The following PRDM16 variants were observed in gnomAD, a reference collection of about 807,000 sequenced individuals.
The protein encoded by PRDM16 is PR/SET domain 16.
Under a neutral mutation model 110.6 loss-of-function variants are expected in PRDM16, and 23 were observed. The observed-to-expected ratio is 0.21, with a 90% CI of 0.15 to 0.29. The LOEUF is 0.29. PRDM16 is among the 10% of genes least tolerant of loss of function. The pLI, the probability that PRDM16 is intolerant of heterozygous loss-of-function variation, is 1.00. For missense variants in PRDM16, 1,615 were observed against 1,794.3 expected, an observed-to-expected ratio of 0.90 and a Z score of 1.81; for synonymous variants, 799 against 781.8, an observed-to-expected ratio of 1.02 and a Z score of -0.37.
Position 3,412,719 on chromosome 1 carries a change from A to G in PRDM16, c.2522A>G (p.Gln841Arg). 6.6e-7 allele frequency: 1 copy of G among 1,503,932 alleles called. No individual in the cohort carries two copies. The highest frequency in any genetic ancestry group is 8.9e-7 in the Non-Finnish European group (1 of 1,126,708). The allele number at this position is 1,503,932 out of a possible 1,614,324, so 93.2% of individuals were successfully genotyped here. A position where few individuals can be genotyped will look rare whatever the true frequency, so the allele number is the denominator to read the frequency against. ...CTGGGCGCCGGCGAGGGGCTGCCCC[A>G]GGTGTGCCCGGCGCGGATGCCCCAG... Reference protein sequence around the residue: ...RKLGAGEGLPQVCPARMPQQP... With the variant: ...RKLGAGEGLPRVCPARMPQQP... The change falls in exon 9 of 17, where the codon CAG becomes CGG. Residue 841 changes from glutamine to arginine, a missense_variant. By Grantham distance (43) the Gln-to-Arg change is conservative. Coordinates refer to ENST00000270722, the MANE Select transcript of PRDM16 (RefSeq NM_022114.4).
At chr1:3,204,868 T>C (rs988365327) in intron 2 of PRDM16, among the ~76,000 whole-genome samples, 7 of 151,970 alleles carry the variant, frequency 4.6e-5, no homozygotes, top group Non-Finnish European at 1.0e-4. Flanking sequence ...AGCCCAGCGG[T>C]TGGCTAATTG....
intron 3 of PRDM16, among the ~76,000 whole-genome samples, chr1:3,320,040 G>A (rs1429572162): frequency 6.6e-6 from 1 of 152,132 alleles, no homozygotes; most frequent in African/African-American, 2.4e-5. Context: ...GCCTGGGCCT[G>A]GTGGCCACAC....
chr1:3,267,031 T>C (rs1640311405), intron 3 of PRDM16, among the ~76,000 whole-genome samples: 1 of 152,160 alleles, frequency 6.6e-6, no homozygotes, highest in Non-Finnish European at 1.5e-5. Flanking sequence ...CAGTGTGAAA[T>C]GTACAAAACG....
At chr1:3,154,694 G>A (rs1643832540) in intron 1 of PRDM16, among the ~76,000 whole-genome samples, 1 of 152,138 alleles carries the variant, frequency 6.6e-6, no homozygotes, top group Non-Finnish European at 1.5e-5. Context: ...GGTGCTGGTC[G>A]CGGTGGAGGA....
chr1:3,325,559 T>C (rs1641870112), intron 3 of PRDM16, among the ~76,000 whole-genome samples: 1 of 152,232 alleles, frequency 6.6e-6, no homozygotes, highest in African/African-American at 2.4e-5. Flanking sequence ...GTTTATTTCC[T>C]GGAGCTGCTG....
chr1:3,436,816 G>C lies in PRDM16; in HGVS notation c.*3005G>C, dbSNP rs1008779562. ...AGCTGGCTGTGTCCATGGCCAGGTG[G>C]CCAGGGTCAGGGCTGCAAGCCAGGG... is the stretch of plus-strand genomic sequence containing the variant. On this transcript the variant is annotated 3_prime_UTR_variant, in exon 17 of 17. Coordinates refer to ENST00000270722, the MANE Select transcript of PRDM16 (RefSeq NM_022114.4). The C allele has an allele frequency of 1.7e-5, 4 of 233,158 alleles. No homozygotes were observed. The highest frequency in any genetic ancestry group is 8.8e-5 in the African/African-American group (4 of 45,346). 14.4% of individuals were successfully genotyped at this position (233,158 alleles called of 1,614,324 possible).
At chr1:3,304,149 A>G (rs1390640018) in intron 3 of PRDM16, among the ~76,000 whole-genome samples, 1 of 141,204 alleles carries the variant, frequency 7.1e-6, no homozygotes, top group Non-Finnish European at 1.5e-5. Flanking sequence ...TGTGCTGGGG[A>G]GCGCAGGAGG....
chr1:3,211,488 G>C (rs1442912874), intron 2 of PRDM16, among the ~76,000 whole-genome samples: 5 of 152,244 alleles, frequency 3.3e-5, no homozygotes, highest in South Asian at 2.1e-4. Context: ...ACTCAAGGCA[G>C]AGTCTCTTGG....
At chr1:3,169,677 G>A (rs1033755028) in intron 1 of PRDM16, among the ~76,000 whole-genome samples, 3 of 152,176 alleles carry the variant, frequency 2.0e-5, no homozygotes, top group Non-Finnish European at 4.4e-5. Flanking sequence ...CCCCCCACGG[G>A]CCCCCCAACA....
chr1:3,238,442 C>T (rs538177439), intron 2 of PRDM16, among the ~76,000 whole-genome samples: 19 of 152,244 alleles, frequency 1.2e-4, no homozygotes, highest in Non-Finnish European at 2.6e-4. Flanking sequence ...GGCATAAAAG[C>T]TAAAAGCAGT....
chr1:3,345,184 G>A (rs1361628956), intron 3 of PRDM16, among the ~76,000 whole-genome samples: 1 of 152,236 alleles, frequency 6.6e-6, no homozygotes, highest in Non-Finnish European at 1.5e-5. Flanking sequence ...GGAGGACAGT[G>A]GCCCTCACAG....
chr1:3,238,444 A>G (rs1190746900), intron 2 of PRDM16, among the ~76,000 whole-genome samples: 1 of 152,240 alleles, frequency 6.6e-6, no homozygotes, highest in African/African-American at 2.4e-5. Flanking sequence ...CATAAAAGCT[A>G]AAAGCAGTGT....
chr1:3,435,433 G>C lies in PRDM16; in HGVS notation c.*1622G>C, dbSNP rs142069370. ...CCCCGTCCCCCCCATGAATCCTGCTGTCCCTGCTGCCGTTTACCAGACAAT... is the reference window on the plus strand; with the variant it reads ...CCCCGTCCCCCCCATGAATCCTGCTCTCCCTGCTGCCGTTTACCAGACAAT... On this transcript the variant is annotated 3_prime_UTR_variant, in exon 17 of 17. Transcript: ENST00000270722. The C allele has an allele frequency of 4.3e-6, 1 of 231,060 alleles. No homozygotes were observed. Among genetic ancestry groups the C allele is most frequent in the African/African-American group, 2.2e-5 (1 of 45,238 alleles). 14.3% of individuals were successfully genotyped at this position (231,060 alleles called of 1,614,324 possible).
intron 2 of PRDM16, among the ~76,000 whole-genome samples, chr1:3,220,277 C>G (rs989856403): frequency 6.6e-5 from 10 of 152,216 alleles, no homozygotes; most frequent in African/African-American, 1.7e-4. Context: ...GTCCCCAACA[C>G]CGTGGGGCCA....
chr1:3,238,045 C>G (rs940177846), intron 2 of PRDM16: 1 of 152,492 alleles, frequency 6.6e-6, no homozygotes, highest in Admixed American at 6.5e-5. Flanking sequence ...GCTCGGGGCC[C>G]TGGAAGCAGA....
chr1:3,252,277 C>T (rs1339940807), intron 3 of PRDM16, among the ~76,000 whole-genome samples: 2 of 152,230 alleles, frequency 1.3e-5, no homozygotes, highest in African/African-American at 4.8e-5. Flanking sequence ...TCCTGCATGC[C>T]CAGCGGTGTC....
chr1:3,126,254 G>A (rs372865481), intron 1 of PRDM16, among the ~76,000 whole-genome samples: 1 of 152,178 alleles, frequency 6.6e-6, no homozygotes. Flanking sequence ...CGCCGCACGC[G>A]GCCAGCCTGG....
intron 1 of PRDM16, among the ~76,000 whole-genome samples, chr1:3,129,070 G>A (rs979433478): frequency 3.9e-5 from 6 of 151,966 alleles, no homozygotes; most frequent in Non-Finnish European, 4.4e-5. Context: ...GGGGGGTTGC[G>A]TGTGCATGTG....
Position 3,181,552 on chromosome 1 carries a change from G to GCAGTCTTACACACGGTCTTACA in PRDM16, c.38-4559_38-4558insGTCTTACACAGTCTTACACACG, listed in dbSNP as rs1644189422. On this transcript the variant is annotated intron_variant, in intron 1 of 16. Coordinates refer to ENST00000270722, the MANE Select transcript of PRDM16 (RefSeq NM_022114.4). ...CGGTCTTACACACGGTCTTACACAC[G>GCAGTCTTACACACGGTCTTACA]CAGTCTTACACACGCAGTCTTACAC... 2.9e-4 allele frequency among the ~76,000 whole-genome samples: 8 copies of GCAGTCTTACACACGGTCTTACA among 27,468 alleles called. 1 individual carries two copies. The highest frequency in any genetic ancestry group is 8.9e-4 in the African/African-American group (8 of 8,996). The allele number at this position is 27,468 out of a possible 152,430, so 18.0% of individuals were successfully genotyped here.
Sources: gnomAD v4.1 joint callset for allele counts (sites outside exome capture counted in the v4.1 genomes callset) on GRCh38, gnomAD v4.1.1 for gene constraint, MANE v1.5 for transcripts, NCBI Gene and HGNC (gene_info 2026-07-23, HGNC 2026-07-21) for gene names.